Variants in SUGCT observed in about 807,000 individuals in gnomAD.
SUGCT encodes the protein succinyl-CoA:glutarate-CoA transferase, also known as succinyl-CoA:glutarate CoA-transferase.
In SUGCT, 41 loss-of-function variants were observed where a neutral mutation model predicts 55.0. That is an observed-to-expected ratio of 0.74 (90% confidence interval 0.58 to 0.97). SUGCT has a LOEUF of 0.97. Among genes scored for constraint, SUGCT ranks in the 50% least tolerant of loss-of-function variants. The pLI is 0.00. For missense variants in SUGCT, 568 were observed against 547.8 expected, an observed-to-expected ratio of 1.04 and a Z score of -0.37; for synonymous variants, 187 against 200.4, an observed-to-expected ratio of 0.93 and a Z score of 0.56.
chr7:40,328,653 G>A (rs1796131799), intron 9 of SUGCT, among the ~76,000 whole-genome samples: 1 of 152,050 alleles, frequency 6.6e-6, no homozygotes. Context: ...CTCATTACTT[G>A]TCCTAGATCG....
At chr7:40,136,668 T>G (rs1011245433) in intron 1 of SUGCT, among the ~76,000 whole-genome samples, 13 of 152,236 alleles carry the variant, frequency 8.5e-5, no homozygotes, top group African/African-American at 3.1e-4. Flanking sequence ...AGTTCTGTCC[T>G]GGCCAAAAAT....
intron 12 of SUGCT, among the ~76,000 whole-genome samples, chr7:40,545,057 A>G (rs1412257638): frequency 2.0e-5 from 3 of 152,188 alleles, no homozygotes; most frequent in Admixed American, 6.5e-5. Flanking sequence ...TGGTATTAGC[A>G]TAATCATTAC....
intron 12 of SUGCT, among the ~76,000 whole-genome samples, chr7:40,547,139 C>A (rs1188183506): frequency 6.6e-6 from 1 of 152,086 alleles, no homozygotes; most frequent in Non-Finnish European, 1.5e-5. Context: ...GCAGGAAAGC[C>A]AGGAAAGCTG....
rs369523721 is a variant in SUGCT, at chr7:40,375,775, C to T, written c.816+58920C>T. Among the ~76,000 whole-genome samples, 344 of 152,284 alleles carry T rather than the reference C, an allele frequency of 2.3e-3. 3 individuals carry two copies. The highest frequency in any genetic ancestry group is 7.6e-3 in the African/African-American group (317 of 41,542). On this transcript the variant is annotated intron_variant, in intron 9 of 13. Transcript: ENST00000335693. Reference sequence around the variant, plus strand: ...GACATATAAATTATGTTTACAGTAACGTACCCTCATAATACTGTGCCCCAT... The same window carrying T: ...GACATATAAATTATGTTTACAGTAATGTACCCTCATAATACTGTGCCCCAT...
chr7:40,644,952 G>T (rs1800432709), intron 12 of SUGCT, among the ~76,000 whole-genome samples: 1 of 152,118 alleles, frequency 6.6e-6, no homozygotes, highest in Non-Finnish European at 1.5e-5. Context: ...TCTGTGTCAG[G>T]TGTTCTCCAG....
the SUGCT span, among the ~76,000 whole-genome samples, chr7:41,031,891 T>A: frequency 2.3e-4 from 35 of 152,176 alleles, no homozygotes; most frequent in South Asian, 2.5e-3. Flanking sequence ...TGATCATGCA[T>A]CCTCCTCTCT....
At chr7:40,948,433 C>CATG in the SUGCT span, among the ~76,000 whole-genome samples, 2,769 of 149,112 alleles carry the variant, frequency 0.019, 32 homozygotes, top group South Asian at 0.038. Context: ...CCCTGAAAAA[C>CATG]ATGATGATGA....
chr7:40,424,643 G>A (rs1385331585), intron 9 of SUGCT, among the ~76,000 whole-genome samples: 1 of 152,080 alleles, frequency 6.6e-6, no homozygotes, highest in Non-Finnish European at 1.5e-5. Context: ...CGGTTATCAG[G>A]TAATAATGAT....
At chr7:40,724,895 T>A (rs1403391164) in intron 12 of SUGCT, among the ~76,000 whole-genome samples, 1 of 152,124 alleles carries the variant, frequency 6.6e-6, no homozygotes, top group Non-Finnish European at 1.5e-5. Context: ...AAAAAGTAAA[T>A]TCCTTTTAAA....
At chr7:40,495,178 C>G (rs1353025707) in intron 11 of SUGCT, among the ~76,000 whole-genome samples, 1 of 151,060 alleles carries the variant, frequency 6.6e-6, no homozygotes, top group Non-Finnish European at 1.5e-5. Flanking sequence ...TCCCAAAGTG[C>G]TGAGATTACA....
chr7:40,805,802 G>A (rs973611497), intron 13 of SUGCT, among the ~76,000 whole-genome samples: 1 of 152,292 alleles, frequency 6.6e-6, no homozygotes, highest in African/African-American at 2.4e-5. Context: ...CAAATTTCAC[G>A]TTCCTGTAAA....
At chr7:40,228,791 T>G (rs1001721192) in intron 6 of SUGCT, among the ~76,000 whole-genome samples, 3 of 152,192 alleles carry the variant, frequency 2.0e-5, no homozygotes, top group Non-Finnish European at 4.4e-5. Context: ...GCACATTCCC[T>G]TTATTTACCA....
chr7:41,035,889 A>C, the SUGCT span, among the ~76,000 whole-genome samples: 130 of 152,220 alleles, frequency 8.5e-4, no homozygotes, highest in African/African-American at 2.9e-3. Flanking sequence ...GCCTCACATG[A>C]TGCAGCTCAT....
intron 13 of SUGCT, among the ~76,000 whole-genome samples, chr7:40,846,149 G>C (rs1213224220): frequency 6.6e-6 from 1 of 152,140 alleles, no homozygotes; most frequent in Admixed American, 6.5e-5. Context: ...AAATATTCTG[G>C]CTATAGACTT....
intron 13 of SUGCT, among the ~76,000 whole-genome samples, chr7:40,805,825 A>C (rs1198300580): frequency 6.6e-6 from 1 of 152,210 alleles, no homozygotes; most frequent in Non-Finnish European, 1.5e-5. Flanking sequence ...ATTTGGGGCT[A>C]AACTATGGTA....
chr7:40,526,828 G>C (rs1409009471), intron 12 of SUGCT, among the ~76,000 whole-genome samples: 2 of 152,068 alleles, frequency 1.3e-5, no homozygotes, highest in Non-Finnish European at 2.9e-5. Flanking sequence ...TGTTAGTGCT[G>C]GCACTTTTCT....
At chr7:40,721,749 A>G (rs1343094780) in intron 12 of SUGCT, among the ~76,000 whole-genome samples, 1 of 152,202 alleles carries the variant, frequency 6.6e-6, no homozygotes, top group African/African-American at 2.4e-5. Flanking sequence ...CCTCTGAGGA[A>G]TATGTCTTCT....
intron 13 of SUGCT, among the ~76,000 whole-genome samples, chr7:40,819,939 G>C (rs1393571822): frequency 2.0e-5 from 3 of 152,126 alleles, no homozygotes; most frequent in South Asian, 2.1e-4. Context: ...TTTTGTATAA[G>C]GTGTAAGGAA....
At chr7:40,418,073 C>T (rs1037156489) in intron 9 of SUGCT, among the ~76,000 whole-genome samples, 10 of 152,260 alleles carry the variant, frequency 6.6e-5, no homozygotes, top group African/African-American at 2.4e-4. Context: ...TAAATTTTTA[C>T]ACATCTTTTG....
Sources: allele counts gnomAD v4.1 joint callset (sites outside exome capture counted in the v4.1 genomes callset), GRCh38; gene constraint gnomAD v4.1.1; transcripts MANE v1.5; gene names NCBI Gene and HGNC (gene_info 2026-07-23, HGNC 2026-07-21).